The following SYNJ2 variants were observed in gnomAD, a reference collection of about 807,000 sequenced individuals.
SYNJ2 encodes polyphosphatidylinositol phosphatase SYNJ2.
SYNJ2 carries 116 observed loss-of-function variants against 141.3 expected under a neutral mutation model. That is an observed-to-expected ratio of 0.82 (90% CI 0.71 to 0.96). The LOEUF (loss-of-function observed/expected upper bound fraction) is 0.96. Ranked by LOEUF, SYNJ2 falls within the 40% of genes least tolerant of loss-of-function variation. The pLI, the probability that SYNJ2 is intolerant of heterozygous loss-of-function variation, is 0.00. For synonymous variants in SYNJ2, 745 were observed against 777.7 expected, an observed-to-expected ratio of 0.96 and a Z score of 0.70; for missense variants, 1,873 against 1,934.8, an observed-to-expected ratio of 0.97 and a Z score of 0.60.
intron 1 of SYNJ2, among the ~76,000 whole-genome samples, chr6:157,994,295 G>C (rs1234966820): frequency 6.6e-6 from 1 of 152,250 alleles, no homozygotes; most frequent in African/African-American, 2.4e-5. Context: ...CTGAGGTCAG[G>C]TGGAGCCAGC....
chr6:158,050,392 C>A (rs1022943707), intron 5 of SYNJ2, among the ~76,000 whole-genome samples: 8 of 152,382 alleles, frequency 5.2e-5, no homozygotes, highest in Middle Eastern at 3.4e-3. Flanking sequence ...TAACAGATCC[C>A]TTCTGCCCAT....
chr6:158,088,033 AATTT>A (rs1783182555), intron 23 of SYNJ2, among the ~76,000 whole-genome samples: 33 of 36,860 alleles, frequency 9.0e-4, no homozygotes, highest in African/African-American at 1.9e-3. Flanking sequence ...CCTGCTTTGG[AATTT>A]TTTTTTTTTT....
chr6:157,984,408 C>A (rs1376734700), intron 1 of SYNJ2, among the ~76,000 whole-genome samples: 3 of 151,652 alleles, frequency 2.0e-5, no homozygotes, highest in African/African-American at 7.3e-5. Flanking sequence ...TATTTTTTTT[C>A]TTTTTTTTGA....
intron 8 of SYNJ2, among the ~76,000 whole-genome samples, chr6:158,063,039 A>G (rs1583438580): frequency 6.6e-6 from 1 of 152,326 alleles, no homozygotes; most frequent in East Asian, 1.9e-4. Context: ...TTAAGCAAAT[A>G]TATATATTCA....
chr6:158,084,279 A>T lies in SYNJ2; in HGVS notation c.3208+105A>T. 7.6e-7 allele frequency: 1 copy of T among 1,313,290 alleles called. No homozygotes were observed. The highest frequency in any genetic ancestry group is 1.0e-6 in the Non-Finnish European group (1 of 960,990). The allele number at this position is 1,313,290 out of a possible 1,614,324, so 81.4% of individuals were successfully genotyped here. On this transcript the variant is annotated intron_variant, in intron 22 of 26. Transcript: ENST00000355585. This position sits in a 1 kb window ranked among gnomAD's most constrained non-coding sequence, Gnocchi z 5.0. The stretch of plus-strand genomic sequence containing the variant: ...GGGCACTGTGTGATATCAAGTATGC[A>T]GGTCCCAGGAGAGACCTCAACCAGG...
chr6:158,046,086 G>A (rs1349909063), intron 5 of SYNJ2, among the ~76,000 whole-genome samples: 1 of 152,164 alleles, frequency 6.6e-6, no homozygotes, highest in Non-Finnish European at 1.5e-5. Context: ...GGGGTTACAG[G>A]CACCCACCAC....
At chr6:158,047,622 C>T (rs943561894) in intron 5 of SYNJ2, among the ~76,000 whole-genome samples, 4 of 151,270 alleles carry the variant, frequency 2.6e-5, no homozygotes, top group African/African-American at 9.7e-5. Context: ...ACTAAAAATG[C>T]AAAAATTAGC....
rs1583449628 is a variant in SYNJ2, at chr6:158,066,620, G to A, written c.1702G>A (p.Ala568Thr). The change falls in exon 12 of 27, where the codon GCT becomes ACT. Residue 568 changes from alanine (A) to threonine (T), a missense_variant. Transcript: ENST00000355585. ...GCTCGACTCGCCCCAGCTCTCGGGA[G>A]CTACCGACTCCCAGGGTGAGGGCAG... ...WLLDSPQLSG[A>T]TDSQDDSSPA... 2 of 1,613,644 alleles carry A rather than the reference G, an allele frequency of 1.2e-6. No homozygotes were observed. The highest frequency in any genetic ancestry group is 1.7e-6 in the Non-Finnish European group (2 of 1,180,000).
intron 1 of SYNJ2, among the ~76,000 whole-genome samples, chr6:157,984,025 G>A (rs1562304494): frequency 1.3e-5 from 2 of 151,904 alleles, no homozygotes; most frequent in African/African-American, 2.4e-5. Flanking sequence ...TTCTTTAAAT[G>A]GGGTCTTACT....
At chr6:158,085,094 A>C (rs932007838) in intron 22 of SYNJ2, among the ~76,000 whole-genome samples, 2 of 150,612 alleles carry the variant, frequency 1.3e-5, no homozygotes, top group Non-Finnish European at 2.9e-5. Context: ...ATCTCAGCTC[A>C]CTACAACCTC....
chr6:157,987,126 A>C (rs1777236620), intron 1 of SYNJ2, among the ~76,000 whole-genome samples: 2 of 152,122 alleles, frequency 1.3e-5, no homozygotes, highest in Admixed American at 1.3e-4. Context: ...AGCTGGGACT[A>C]TAGGCGTGTG....
At chr6:158,060,708 G>A (rs977513311) in intron 7 of SYNJ2, among the ~76,000 whole-genome samples, 3 of 152,186 alleles carry the variant, frequency 2.0e-5, no homozygotes, top group African/African-American at 7.2e-5. Context: ...AAGGAAGAAG[G>A]GAAAAAGCTA....
chr6:158,094,668 C>A (rs966712158), intron 26 of SYNJ2, among the ~76,000 whole-genome samples: 1 of 152,006 alleles, frequency 6.6e-6, no homozygotes, highest in Non-Finnish European at 1.5e-5. Flanking sequence ...AAGAGACTTT[C>A]TTTTTTCTTA....
chr6:158,062,212 T>G, intron 8 of SYNJ2, 48 bp downstream of exon 8: 1 of 1,593,360 alleles, frequency 6.3e-7, no homozygotes, highest in Non-Finnish European at 8.6e-7. Context: ...GGGGGAAGCG[T>G]CAGTCCACGG....
intron 11 of SYNJ2, among the ~76,000 whole-genome samples, chr6:158,066,212 C>T (rs770781681): frequency 6.6e-6 from 1 of 152,102 alleles, no homozygotes; most frequent in Non-Finnish European, 1.5e-5. Context: ...GGGGTATAGA[C>T]GGTGAGTTTC....
chr6:157,984,837 C>G (rs1193434265), intron 1 of SYNJ2, among the ~76,000 whole-genome samples: 3 of 152,194 alleles, frequency 2.0e-5, no homozygotes. Context: ...TCGGGGGTAG[C>G]TTCCTTTTCT....
rs745766671 is a variant in SYNJ2 at position 158,033,548 on chromosome 6, C to A, written c.579C>A (p.Thr193=). The A allele has an allele frequency of 1.2e-6, 2 of 1,614,070 alleles. No individual in the cohort carries two copies. The highest frequency in any genetic ancestry group is 1.3e-5 in the African/African-American group (1 of 74,938). Residue 193 remains threonine, a synonymous_variant, in exon 4 of 27, where the codon ACC becomes ACA. Transcript: ENST00000355585. ...KIICGVVTIR[T]VYASHKQAKA... ...TCTGCGGGGTGGTCACCATCCGCAC[C>A]GTGTATGCCTCCCACAAGCAGGCCA...
chr6:158,071,262 T>C lies in SYNJ2; in HGVS notation c.1941-340T>C, dbSNP rs1206502259. On this transcript the variant is annotated intron_variant, in intron 14 of 26. Coordinates refer to ENST00000355585, the MANE Select transcript of SYNJ2 (RefSeq NM_003898.4). This position sits in a 1 kb window ranked among gnomAD's most constrained non-coding sequence, Gnocchi z 4.3. ...GCATGGCGTGATGGCTGCACAGGAG[T>C]GGGGTGGGCTGGTGGGTGGTGATGT... Among the ~76,000 whole-genome samples the C allele has an allele frequency of 6.6e-6, 1 of 150,782 alleles. No homozygotes were observed. Among genetic ancestry groups the C allele is most frequent in the Non-Finnish European group, 1.5e-5 (1 of 67,674 alleles).
chr6:158,000,501 A>G (rs1777804892), intron 1 of SYNJ2, among the ~76,000 whole-genome samples: 1 of 152,204 alleles, frequency 6.6e-6, no homozygotes, highest in African/African-American at 2.4e-5. Context: ...GTGAGAAAAC[A>G]GGTCCCAGTG....
Sources: gnomAD v4.1 joint callset for allele counts (sites outside exome capture counted in the v4.1 genomes callset) on GRCh38, gnomAD v4.1.1 for gene constraint, Gnocchi (gnomAD v3.1) non-coding constraint, MANE v1.5 for transcripts, NCBI Gene and HGNC (gene_info 2026-07-23, HGNC 2026-07-21) for gene names.